The following TSPEAR variants were observed in gnomAD, a reference collection of about 807,000 sequenced individuals.
TSPEAR encodes the protein thrombospondin type laminin G domain and EAR repeats, also known as thrombospondin-type laminin G domain and EAR repeat-containing protein.
In TSPEAR, 69 loss-of-function variants were observed where a neutral mutation model predicts 71.6. That is an observed-to-expected ratio of 0.96 (90% CI 0.79 to 1.18). The LOEUF (loss-of-function observed/expected upper bound fraction) is 1.18. Among genes scored for constraint, TSPEAR ranks in the 50% most tolerant of loss-of-function variants. The pLI is 0.00. For synonymous variants in TSPEAR, 402 were observed against 387.2 expected, an observed-to-expected ratio of 1.04 and a Z score of -0.45; for missense variants, 971 against 894.9, an observed-to-expected ratio of 1.09 and a Z score of -1.09.
At chr21:44,649,133 C>T (rs1255134993) in intron 1 of TSPEAR, among the ~76,000 whole-genome samples, 12 of 152,212 alleles carry the variant, frequency 7.9e-5, no homozygotes, top group South Asian at 2.1e-4. Context: ...CAGAGCCGGA[C>T]GGCTCCTGGG....
At chr21:44,504,740 G>T (rs904120622) in intron 11 of TSPEAR, 40 bp downstream of exon 11, 2 of 1,484,082 alleles carry the variant, frequency 1.3e-6, no homozygotes, top group Non-Finnish European at 1.9e-6. Flanking sequence ...CAGTGGGGAA[G>T]CAAGGCTCTG....
In TSPEAR at chr21:44,637,467, G is replaced by A. The variant is rs781947077; in HGVS notation, c.83-69462C>T. 2.5e-6 allele frequency: 4 copies of A among 1,613,024 alleles called. No individual in the cohort carries two copies. In the African/African-American group the frequency reaches 4.0e-5, roughly 16 times the overall value. ...TGCTCCAGCGCCTGCACTGACTCTT[G>A]GCGGGTAGTCGACTGCCCAGAGAGC... On this transcript the variant is annotated intron_variant, in intron 1 of 11. Transcript: ENST00000323084.
chr21:44,578,905 C>A (rs1978658798), intron 1 of TSPEAR, among the ~76,000 whole-genome samples: 1 of 152,174 alleles, frequency 6.6e-6, no homozygotes, highest in African/African-American at 2.4e-5. Flanking sequence ...CCATGCGGAA[C>A]CTGGTGCCCC....
Position 44,625,435 on chromosome 21 carries a change from A to T in TSPEAR, c.83-57430T>A, listed in dbSNP as rs34911867. Among the ~76,000 whole-genome samples, 790 of 152,322 alleles carry T rather than the reference A, an allele frequency of 5.2e-3. 6 individuals are homozygous for T. The highest frequency in any genetic ancestry group is 0.018 in the African/African-American group (762 of 41,552). On this transcript the variant is annotated intron_variant, in intron 1 of 11. Coordinates refer to ENST00000323084, the MANE Select transcript of TSPEAR (RefSeq NM_144991.3). ...AGCAAGACTCTGGTCTCTACAAAAA[A>T]AATTTTTTTTTACAAAAAGAAATAT...
chr21:44,658,053 A>G (rs781810931), intron 1 of TSPEAR: 11 of 1,613,826 alleles, frequency 6.8e-6, no homozygotes, highest in Admixed American at 1.7e-5. Flanking sequence ...GCATCCTGCT[A>G]TGTGCCCGTG....
intron 1 of TSPEAR, among the ~76,000 whole-genome samples, chr21:44,707,108 G>C (rs947175110): frequency 6.6e-6 from 1 of 152,244 alleles, no homozygotes; most frequent in Non-Finnish European, 1.5e-5. Context: ...AGTTGTGTGG[G>C]GTTGGGCGAG....
chr21:44,594,234 C>T (rs1331839029), intron 1 of TSPEAR, among the ~76,000 whole-genome samples: 2 of 152,104 alleles, frequency 1.3e-5, no homozygotes, highest in Non-Finnish European at 2.9e-5. Flanking sequence ...GAAAAAGTGA[C>T]GGATGGCTAA....
chr21:44,617,147 C>T (rs1982154402), intron 1 of TSPEAR, among the ~76,000 whole-genome samples: 1 of 152,220 alleles, frequency 6.6e-6, no homozygotes, highest in African/African-American at 2.4e-5. Context: ...TGGCCACGTC[C>T]ACCATGTTCA....
chr21:44,676,251 G>C, intron 1 of TSPEAR: 1 of 1,297,932 alleles, frequency 7.7e-7, no homozygotes, highest in South Asian at 1.2e-5. Flanking sequence ...GGACTCTAAG[G>C]GTCTCTTCAC....
chr21:44,702,046 T>C (rs1987673241), intron 1 of TSPEAR, among the ~76,000 whole-genome samples: 1 of 152,190 alleles, frequency 6.6e-6, no homozygotes, highest in Admixed American at 6.5e-5. Context: ...GATCCTGGCT[T>C]AGCCAGAGAG....
chr21:44,558,694 C>T lies in TSPEAR; in HGVS notation c.303+9091G>A, dbSNP rs781944871. 1.9e-5 allele frequency: 31 copies of T among 1,609,158 alleles called. No individual in the cohort carries two copies. Among genetic ancestry groups the T allele is most frequent in the Middle Eastern group, 1.7e-4 (1 of 5,768 alleles). ...GAGTCAGAGTAAGCGCTGGAGCAGACGGACATGGTAGACGTGGCCATGCTG... is the reference window on the plus strand; with the variant it reads ...GAGTCAGAGTAAGCGCTGGAGCAGATGGACATGGTAGACGTGGCCATGCTG... On this transcript the variant is annotated intron_variant, in intron 2 of 11. Coordinates refer to ENST00000323084, the MANE Select transcript of TSPEAR (RefSeq NM_144991.3).
intron 11 of TSPEAR, among the ~76,000 whole-genome samples, chr21:44,502,229 G>A (rs947952377): frequency 6.6e-6 from 1 of 152,190 alleles, no homozygotes; most frequent in African/African-American, 2.4e-5. Context: ...ATGCTCAGAT[G>A]TGCTCGTTAA....
At chr21:44,691,773 T>A (rs1555949751) in intron 1 of TSPEAR, among the ~76,000 whole-genome samples, 1 of 152,124 alleles carries the variant, frequency 6.6e-6, no homozygotes, top group African/African-American at 2.4e-5. Context: ...CTGGTGAATA[T>A]CACCAAACAT....
At chr21:44,708,759 G>A (rs1988067004) in intron 1 of TSPEAR, among the ~76,000 whole-genome samples, 1 of 152,176 alleles carries the variant, frequency 6.6e-6, no homozygotes, top group African/African-American at 2.4e-5. Context: ...CTGGACACCT[G>A]CAGGGCAGGC....
intron 1 of TSPEAR, chr21:44,628,123 C>T: frequency 6.5e-7 from 1 of 1,544,154 alleles, no homozygotes; most frequent in South Asian, 1.2e-5. Context: ...CCAGCCCACC[C>T]AGCCTCAGCA....
intron 1 of TSPEAR, among the ~76,000 whole-genome samples, chr21:44,609,757 C>T (rs1555930495): frequency 6.6e-6 from 1 of 152,180 alleles, no homozygotes; most frequent in Non-Finnish European, 1.5e-5. Flanking sequence ...GAAATTTAAT[C>T]TGGTTCCACT....
At chr21:44,647,263 C>T (rs462007) in intron 1 of TSPEAR, 1,275,949 of 1,613,970 alleles carry the variant, frequency 0.79, 506,578 homozygotes, top group African/African-American at 0.96. Flanking sequence ...CAGCTGCTGC[C>T]GCCCGGCCTC....
intron 1 of TSPEAR, among the ~76,000 whole-genome samples, chr21:44,621,375 T>C (rs1982423248): frequency 6.6e-6 from 1 of 152,268 alleles, no homozygotes; most frequent in Non-Finnish European, 1.5e-5. Flanking sequence ...AACATGTATA[T>C]ATTTATAATT....
At chr21:44,529,253 A>G (rs2052918075) in intron 5 of TSPEAR, among the ~76,000 whole-genome samples, 2 of 152,218 alleles carry the variant, frequency 1.3e-5, no homozygotes, top group South Asian at 2.1e-4. Context: ...CAGATTCTCC[A>G]TGGCAGGAGT....
Sources: allele counts gnomAD v4.1 joint callset (sites outside exome capture counted in the v4.1 genomes callset), GRCh38; gene constraint gnomAD v4.1.1; transcripts MANE v1.5; gene names NCBI Gene and HGNC (gene_info 2026-07-23, HGNC 2026-07-21).